The following JAM3 variants were observed in gnomAD, a reference collection of about 807,000 sequenced individuals.
JAM3 encodes the protein junctional adhesion molecule C.
JAM3 carries 31 observed loss-of-function variants against 39.4 expected under a neutral mutation model. That is an observed-to-expected ratio of 0.79 (90% CI 0.59 to 1.06). The LOEUF (loss-of-function observed/expected upper bound fraction) is 1.06. Ranked by LOEUF, JAM3 falls within the 50% of genes least tolerant of loss-of-function variation. The pLI is 0.00. For synonymous variants in JAM3, 182 were observed against 148.7 expected (o/e 1.22, Z -1.63); for missense variants, 455 against 391.4 (o/e 1.16, Z -1.37).
intron 1 of JAM3, among the ~76,000 whole-genome samples, chr11:134,105,893 G>T (rs891863767): frequency 6.6e-6 from 1 of 152,172 alleles, no homozygotes; most frequent in South Asian, 2.1e-4. Flanking sequence ...TGGGTAGGAA[G>T]AATCAATATC....
intron 1 of JAM3, among the ~76,000 whole-genome samples, chr11:134,117,682 G>A (rs1192067251): frequency 6.6e-6 from 1 of 152,142 alleles, no homozygotes; most frequent in Non-Finnish European, 1.5e-5. Flanking sequence ...TATGACAGTG[G>A]GATATGACAG....
chr11:134,144,172 A>T, intron 3 of JAM3, 69 bp from the exon 4 acceptor site: 2 of 1,561,174 alleles, frequency 1.3e-6, no homozygotes, highest in Non-Finnish European at 8.8e-7. Context: ...CTAGCCCCAG[A>T]AACCACCCTC....
intron 1 of JAM3, among the ~76,000 whole-genome samples, chr11:134,094,606 G>A (rs1426883658): frequency 6.6e-6 from 1 of 150,892 alleles, no homozygotes; most frequent in Non-Finnish European, 1.5e-5. Flanking sequence ...GTCACTTCCT[G>A]AGGGAAGCTT....
chr11:134,110,070 T>G (rs1319434271), intron 1 of JAM3, among the ~76,000 whole-genome samples: 1 of 152,176 alleles, frequency 6.6e-6, no homozygotes, highest in Non-Finnish European at 1.5e-5. Flanking sequence ...TAACCTAATT[T>G]GCATCATTTA....
intron 1 of JAM3, among the ~76,000 whole-genome samples, chr11:134,084,836 C>G (rs1941723002): frequency 6.6e-6 from 1 of 152,218 alleles, no homozygotes; most frequent in African/African-American, 2.4e-5. Context: ...TAAGATGGTT[C>G]TCTTCTTCCA....
At chr11:134,125,476 T>C (rs1474252165) in intron 1 of JAM3, among the ~76,000 whole-genome samples, 2 of 152,348 alleles carry the variant, frequency 1.3e-5, no homozygotes, top group East Asian at 3.9e-4. Flanking sequence ...GGATAGATTT[T>C]AATATTGTAT....
chr11:134,136,973 C>T (rs568522059), intron 1 of JAM3, among the ~76,000 whole-genome samples: 10 of 152,098 alleles, frequency 6.6e-5, no homozygotes, highest in African/African-American at 1.4e-4. Flanking sequence ...ATTAGCCAGG[C>T]GTGGTGGTGG....
rs71038561 is a variant in JAM3, at chr11:134,111,133, C to CTTTTTTTTTTTTTT, written c.77-28703_77-28690dup. Reference sequence around the variant, plus strand: ...TGTACCATACCCAACACACATCCATCTTTTTTTTTTTTTTTTTTTTTTTTT... The same window carrying CTTTTTTTTTTTTTT: ...TGTACCATACCCAACACACATCCATCTTTTTTTTTTTTTTTTTTTTTTTTTTTTTTTTTTTTTTT... On this transcript the variant is annotated intron_variant, in intron 1 of 8. Coordinates refer to ENST00000299106, the MANE Select transcript of JAM3 (RefSeq NM_032801.5). 4.6e-4 allele frequency among the ~76,000 whole-genome samples: 40 copies of CTTTTTTTTTTTTTT among 86,776 alleles called. 4 individuals are homozygous for CTTTTTTTTTTTTTT. The highest frequency in any genetic ancestry group is 2.1e-3 in the African/African-American group (39 of 18,144). 56.9% of individuals were successfully genotyped at this position (86,776 alleles called of 152,430 possible).
intron 1 of JAM3, among the ~76,000 whole-genome samples, chr11:134,106,917 A>T (rs1942202411): frequency 6.6e-6 from 1 of 152,234 alleles, no homozygotes; most frequent in African/African-American, 2.4e-5. Context: ...TGTGGAAGAC[A>T]GTGTGGCGAT....
intron 1 of JAM3, among the ~76,000 whole-genome samples, chr11:134,076,626 CTG>C (rs1941575230): frequency 6.6e-6 from 1 of 152,090 alleles, no homozygotes; most frequent in African/African-American, 2.4e-5. Context: ...TGATATTAAT[CTG>C]TGAAAATCTA....
intron 1 of JAM3, among the ~76,000 whole-genome samples, chr11:134,085,644 G>A (rs1941735852): frequency 6.6e-6 from 1 of 152,038 alleles, no homozygotes; most frequent in Non-Finnish European, 1.5e-5. Flanking sequence ...CATATCATTT[G>A]TTGTTGTATT....
At chr11:134,081,298 G>A (rs575547936) in intron 1 of JAM3, among the ~76,000 whole-genome samples, 1 of 152,344 alleles carries the variant, frequency 6.6e-6, no homozygotes, top group African/African-American at 2.4e-5. Context: ...TAATCCCCAA[G>A]ACAATGGGGA....
chr11:134,134,805 A>C (rs186133736), intron 1 of JAM3, among the ~76,000 whole-genome samples: 1 of 152,304 alleles, frequency 6.6e-6, no homozygotes, highest in Admixed American at 6.5e-5. Flanking sequence ...CTTTGGAGGC[A>C]TGTCTATTTG....
intron 1 of JAM3, among the ~76,000 whole-genome samples, chr11:134,114,358 G>T (rs1009037882): frequency 1.3e-5 from 2 of 152,174 alleles, no homozygotes; most frequent in African/African-American, 4.8e-5. Flanking sequence ...ATTAATTTTT[G>T]TATAAGGTGT....
chr11:134,120,210 A>T (rs1187415998), intron 1 of JAM3, among the ~76,000 whole-genome samples: 2 of 152,220 alleles, frequency 1.3e-5, no homozygotes, highest in Non-Finnish European at 2.9e-5. Context: ...GCCTTTCTCC[A>T]CTAGAAAGCC....
At chr11:134,085,343 G>A (rs1485381237) in intron 1 of JAM3, among the ~76,000 whole-genome samples, 1 of 152,196 alleles carries the variant, frequency 6.6e-6, no homozygotes, top group Non-Finnish European at 1.5e-5. Context: ...CTAAAGGGAA[G>A]TCTTAACTAT....
At chr11:134,122,455 C>A (rs1942553532) in intron 1 of JAM3, among the ~76,000 whole-genome samples, 1 of 152,192 alleles carries the variant, frequency 6.6e-6, no homozygotes, top group African/African-American at 2.4e-5. Context: ...CAGAAAAACA[C>A]CTCTTCTGGA....
chr11:134,148,306 G>A, intron 6 of JAM3: 1 of 565,748 alleles, frequency 1.8e-6, no homozygotes, highest in East Asian at 3.1e-5. Context: ...ACACTTTTCA[G>A]TGCGACTGCA....
At chr11:134,147,481 A>AAAAAAAAAAAAGG in intron 6 of JAM3, among the ~76,000 whole-genome samples, 1 of 142,680 alleles carries the variant, frequency 7.0e-6, no homozygotes, top group African/African-American at 2.6e-5. Flanking sequence ...AAAAAAAACG[A>AAAAAAAAAAAAGG]TTGCAAGTTT....
Sources: gnomAD v4.1 joint callset for allele counts (sites outside exome capture counted in the v4.1 genomes callset) on GRCh38, gnomAD v4.1.1 for gene constraint, MANE v1.5 for transcripts, NCBI Gene and HGNC (gene_info 2026-07-23, HGNC 2026-07-21) for gene names.